Variants in SH3RF3 observed in about 807,000 individuals in gnomAD.
SH3RF3 encodes E3 ubiquitin-protein ligase SH3RF3.
In SH3RF3, 29 loss-of-function variants were observed where a neutral mutation model predicts 66.3. That is an observed-to-expected ratio of 0.44 (90% CI 0.33 to 0.60). The LOEUF is 0.60. Among genes scored for constraint, SH3RF3 ranks in the 20% least tolerant of loss-of-function variants. The probability of loss-of-function intolerance (pLI) is 0.04; values close to 1 mark genes in which losing one functional copy is unlikely to be tolerated. For synonymous variants in SH3RF3, 583 were observed against 532.0 expected (o/e 1.10, Z -1.32); for missense variants, 1,194 against 1,190.9 (o/e 1.00, Z -0.04).
intron 8 of SH3RF3, among the ~76,000 whole-genome samples, chr2:109,467,291 G>A (rs1559098988): frequency 6.6e-6 from 1 of 152,250 alleles, no homozygotes; most frequent in African/African-American, 2.4e-5. Context: ...CTGCAAAGGG[G>A]CACCACCCAG....
chr2:109,149,536 C>T (rs79523176), intron 1 of SH3RF3, among the ~76,000 whole-genome samples: 2 of 152,168 alleles, frequency 1.3e-5, no homozygotes, highest in African/African-American at 2.4e-5. Flanking sequence ...AAGGGGAATT[C>T]GCTTGTTTGA....
intron 5 of SH3RF3, among the ~76,000 whole-genome samples, chr2:109,422,351 C>T (rs190499019): frequency 3.3e-5 from 5 of 152,320 alleles, no homozygotes; most frequent in Non-Finnish European, 1.5e-5. Context: ...GCTTTGACCT[C>T]TCCAGGCCAC....
intron 3 of SH3RF3, among the ~76,000 whole-genome samples, chr2:109,393,856 C>A (rs973217972): frequency 5.9e-5 from 9 of 151,598 alleles, no homozygotes; most frequent in African/African-American, 2.2e-4. Context: ...TCCCTCATGA[C>A]TGGCTTGCCA....
intron 5 of SH3RF3, among the ~76,000 whole-genome samples, chr2:109,431,825 T>C (rs529320518): frequency 6.6e-6 from 1 of 152,138 alleles, no homozygotes; most frequent in East Asian, 1.9e-4. Flanking sequence ...GAGCTATGCT[T>C]GTACCACTGC....
intron 1 of SH3RF3, among the ~76,000 whole-genome samples, chr2:109,312,694 A>C (rs576437783): frequency 5.7e-4 from 87 of 152,352 alleles, no homozygotes; most frequent in Non-Finnish European, 9.3e-4. Context: ...CATAGAGTAT[A>C]TCAGAATTCC....
At chr2:109,143,979 C>G (rs1677029560) in intron 1 of SH3RF3, among the ~76,000 whole-genome samples, 1 of 152,200 alleles carries the variant, frequency 6.6e-6, no homozygotes, top group Non-Finnish European at 1.5e-5. Flanking sequence ...TGATCTCATT[C>G]ATATCCGGAA....
rs534138553 is a variant in SH3RF3 at position 109,341,007 on chromosome 2, A to T, written c.574-6667A>T. ...AGACAATTTATGTCTTCACAGTTGC[A>T]TCCACGCAACAGCTTAGTAGTGGCC... On this transcript the variant is annotated intron_variant, in intron 1 of 9. Coordinates refer to ENST00000309415, the MANE Select transcript of SH3RF3 (RefSeq NM_001099289.3). 2.0e-5 allele frequency among the ~76,000 whole-genome samples: 3 copies of T among 152,370 alleles called. No homozygotes were observed. The South Asian group carries it at 6.2e-4, about 32-fold the overall frequency.
chr2:109,480,254 G>A (rs1160067779), intron 8 of SH3RF3, among the ~76,000 whole-genome samples: 5 of 152,190 alleles, frequency 3.3e-5, no homozygotes, highest in Admixed American at 6.5e-5. Flanking sequence ...CAGGCAAGGC[G>A]GCATCTCCCA....
At chr2:109,190,357 A>G (rs1001222794) in intron 1 of SH3RF3, among the ~76,000 whole-genome samples, 14 of 152,256 alleles carry the variant, frequency 9.2e-5, no homozygotes, top group African/African-American at 3.4e-4. Context: ...TACTTGTAGT[A>G]GAGATGGGGT....
chr2:109,485,343 C>T (rs1332463514), intron 8 of SH3RF3, among the ~76,000 whole-genome samples: 4 of 152,208 alleles, frequency 2.6e-5, no homozygotes, highest in African/African-American at 4.8e-5. Flanking sequence ...CATGAAATGA[C>T]TTGTATCTCT....
intron 2 of SH3RF3, among the ~76,000 whole-genome samples, chr2:109,353,024 C>G (rs73955554): frequency 0.012 from 1,772 of 152,400 alleles, 34 homozygotes; most frequent in African/African-American, 0.04. Context: ...GCCGCTGCAG[C>G]TGCCCCACCT....
intron 1 of SH3RF3, among the ~76,000 whole-genome samples, chr2:109,335,933 A>G (rs1574580711): frequency 1.3e-5 from 2 of 152,312 alleles, no homozygotes. Context: ...AAAAAAAGAC[A>G]CTTGGGGGCT....
intron 1 of SH3RF3, among the ~76,000 whole-genome samples, chr2:109,170,260 TTCTCTTCTCTTCTCTTCTCTTC>T (rs1677735927): frequency 3.0e-5 from 1 of 32,952 alleles, no homozygotes; most frequent in Non-Finnish European, 8.0e-5. Context: ...TTCTCTTCTC[TTCTCTTCTCTTCTCTTCTCTTC>T]TCTTCTCTTC....
intron 1 of SH3RF3, among the ~76,000 whole-genome samples, chr2:109,139,860 C>T (rs900486539): frequency 6.6e-6 from 1 of 152,224 alleles, no homozygotes; most frequent in Non-Finnish European, 1.5e-5. Flanking sequence ...AGTTTGACAT[C>T]TGGAGTCGTG....
At chr2:109,387,060 T>A (rs1207293400) in intron 3 of SH3RF3, among the ~76,000 whole-genome samples, 1 of 152,210 alleles carries the variant, frequency 6.6e-6, no homozygotes, top group Non-Finnish European at 1.5e-5. Flanking sequence ...CCCATAATCC[T>A]ACCAGTAAAT....
intron 1 of SH3RF3, among the ~76,000 whole-genome samples, chr2:109,211,143 T>A (rs906518597): frequency 1.3e-5 from 2 of 152,130 alleles, no homozygotes; most frequent in Admixed American, 6.5e-5. Context: ...ACTTGCAGAA[T>A]TAAGCACAAT....
At chr2:109,343,632 C>T (rs375275453) in intron 1 of SH3RF3, among the ~76,000 whole-genome samples, 5 of 152,138 alleles carry the variant, frequency 3.3e-5, no homozygotes, top group Non-Finnish European at 5.9e-5. Flanking sequence ...GTACCAGACT[C>T]GAGCCCAGCA....
At chr2:109,297,619 T>C in intron 1 of SH3RF3, among the ~76,000 whole-genome samples, 1 of 104,384 alleles carries the variant, frequency 9.6e-6, no homozygotes, top group African/African-American at 3.8e-5. Context: ...GTCAGTACCC[T>C]CTACCCAGGC....
intron 6 of SH3RF3, among the ~76,000 whole-genome samples, chr2:109,433,656 T>C (rs1436843314): frequency 1.3e-5 from 2 of 152,190 alleles, no homozygotes; most frequent in Non-Finnish European, 2.9e-5. Context: ...CAGAGTGGTC[T>C]CGGGACACAT....
Sources: allele counts gnomAD v4.1 joint callset (sites outside exome capture counted in the v4.1 genomes callset), GRCh38; gene constraint gnomAD v4.1.1; transcripts MANE v1.5; gene names NCBI Gene and HGNC (gene_info 2026-07-23, HGNC 2026-07-21).